Variants in ZBTB8A observed in about 807,000 individuals in gnomAD.
The protein encoded by ZBTB8A is zinc finger and BTB domain containing 8A, also known as zinc finger and BTB domain-containing protein 8A.
ZBTB8A carries 19 observed loss-of-function variants against 37.8 expected under a neutral mutation model. The ratio of observed to expected loss-of-function variants is 0.50; its 90% CI spans 0.35 to 0.74. The LOEUF is 0.74. ZBTB8A is among the 30% of genes least tolerant of loss of function. ZBTB8A has a pLI of 0.01. For missense variants in ZBTB8A, 394 were observed against 537.8 expected (o/e 0.73, Z 2.65); for synonymous variants, 181 against 185.2 (o/e 0.98, Z 0.19).
chr1:32,546,519 T>G (rs1225846706), intron 1 of ZBTB8A, among the ~76,000 whole-genome samples: 1 of 152,028 alleles, frequency 6.6e-6, no homozygotes, highest in Non-Finnish European at 1.5e-5. Flanking sequence ...TGGTACACTG[T>G]TATAGTCCCA....
At chr1:32,553,860 T>C (rs1237643536) in intron 2 of ZBTB8A, among the ~76,000 whole-genome samples, 3 of 126,332 alleles carry the variant, frequency 2.4e-5, no homozygotes, top group African/African-American at 6.1e-5. Flanking sequence ...CACTCCAGCC[T>C]GGGCAACAAG....
At chr1:32,545,276 TC>T (rs1327218996) in intron 1 of ZBTB8A, among the ~76,000 whole-genome samples, 4 of 152,186 alleles carry the variant, frequency 2.6e-5, no homozygotes, top group Non-Finnish European at 5.9e-5. Context: ...TAGCAAACTA[TC>T]CTAGTGGGTG....
chr1:32,554,239 A>G (rs973030663), intron 2 of ZBTB8A, among the ~76,000 whole-genome samples: 1 of 147,554 alleles, frequency 6.8e-6, no homozygotes, highest in Non-Finnish European at 1.5e-5. Flanking sequence ...TTGTAGTTGT[A>G]GATTTTATAT....
At chr1:32,577,593 T>TC in intron 2 of ZBTB8A, among the ~76,000 whole-genome samples, 1 of 144,434 alleles carries the variant, frequency 6.9e-6, no homozygotes, top group Non-Finnish European at 1.5e-5. Flanking sequence ...ATTCTTTTTT[T>TC]TTTTTTTTTT....
At chr1:32,545,096 T>C (rs1283821665) in intron 1 of ZBTB8A, among the ~76,000 whole-genome samples, 1 of 152,228 alleles carries the variant, frequency 6.6e-6, no homozygotes, top group Non-Finnish European at 1.5e-5. Context: ...CCAAAGTCGC[T>C]GTACCATTTT....
intron 3 of ZBTB8A, among the ~76,000 whole-genome samples, chr1:32,594,709 T>C (rs975142700): frequency 6.0e-5 from 9 of 149,808 alleles, no homozygotes; most frequent in Non-Finnish European, 1.2e-4. Context: ...GAGGTTGCAG[T>C]GAGTGGAGAT....
chr1:32,599,463 A>G (rs973711527), intron 4 of ZBTB8A, among the ~76,000 whole-genome samples: 1 of 152,058 alleles, frequency 6.6e-6, no homozygotes, highest in Non-Finnish European at 1.5e-5. Context: ...TCACACCTAT[A>G]ATCCCAGCAC....
At chr1:32,544,741 A>C (rs1192181831) in intron 1 of ZBTB8A, among the ~76,000 whole-genome samples, 1 of 152,168 alleles carries the variant, frequency 6.6e-6, no homozygotes, top group Non-Finnish European at 1.5e-5. Flanking sequence ...AGGTACAATA[A>C]AAATATGGTA....
chr1:32,580,937 C>T (rs1335274241), intron 2 of ZBTB8A, among the ~76,000 whole-genome samples: 1 of 150,684 alleles, frequency 6.6e-6, no homozygotes, highest in Non-Finnish European at 1.5e-5. Context: ...TAACCCACTC[C>T]CAAGATAACG....
intron 4 of ZBTB8A, among the ~76,000 whole-genome samples, chr1:32,597,908 ATT>A (rs764920094): frequency 2.2e-4 from 30 of 137,054 alleles, no homozygotes; most frequent in Middle Eastern, 3.8e-3. Flanking sequence ...TATCCGGCTA[ATT>A]TTTTTTTTTT....
At chr1:32,592,811 G>A (rs1239750824) in intron 2 of ZBTB8A, 120 bp from the exon 3 acceptor site, 3 of 812,046 alleles carry the variant, frequency 3.7e-6, no homozygotes, top group Non-Finnish European at 3.8e-6. Flanking sequence ...CCCAGCCACA[G>A]TGAGCTTTGA....
chr1:32,552,597 C>T (rs892642518), intron 1 of ZBTB8A, among the ~76,000 whole-genome samples: 6 of 151,702 alleles, frequency 4.0e-5, no homozygotes, highest in Non-Finnish European at 5.9e-5. Context: ...ACCAGGGAGG[C>T]GGAGGTTGCA....
In ZBTB8A at chr1:32,562,467, C is replaced by T. The variant is rs186465326; in HGVS notation, c.-2+8927C>T. On this transcript the variant is annotated intron_variant, in intron 2 of 4. Coordinates refer to ENST00000373510, the MANE Select transcript of ZBTB8A (RefSeq NM_001040441.3). ...TGTATTTTTAGTAGAGATGGGGTTT[C>T]TCCATGTTGGTCAGGCTGGTCTCAA... is the stretch of plus-strand genomic sequence containing the variant. 1.2e-3 allele frequency among the ~76,000 whole-genome samples: 177 copies of T among 151,242 alleles called. 2 individuals carry two copies. Among genetic ancestry groups the T allele is most frequent in the African/African-American group, 4.1e-3 (170 of 41,196 alleles).
chr1:32,583,915 C>T (rs980153354), intron 2 of ZBTB8A, among the ~76,000 whole-genome samples: 16 of 152,074 alleles, frequency 1.1e-4, no homozygotes, highest in Middle Eastern at 3.4e-3. Flanking sequence ...GGCTCCTTTT[C>T]GTATTTTTAG....
chr1:32,568,608 G>C (rs879589674), intron 2 of ZBTB8A, among the ~76,000 whole-genome samples: 1 of 152,082 alleles, frequency 6.6e-6, no homozygotes, highest in East Asian at 1.9e-4. Context: ...GGATGGTCTC[G>C]ATCTCCTAAC....
intron 1 of ZBTB8A, among the ~76,000 whole-genome samples, chr1:32,542,386 CAAG>C (rs1644063548): frequency 6.6e-6 from 1 of 151,394 alleles, no homozygotes; most frequent in Non-Finnish European, 1.5e-5. Context: ...CCAGCCTGGA[CAAG>C]AAGGTGAAAC....
Position 32,593,742 on chromosome 1 carries a change from A to G in ZBTB8A, c.811A>G (p.Lys271Glu), listed in dbSNP as rs61998256. ...CGGTCAAGGATCTGATGTCACATCC[A>G]AAAGCTTTCCAGGTACCCAAAAAGA... ...QYGQGSDVTSKSFPDDLPRMR... is the reference protein window; with the variant it reads ...QYGQGSDVTSESFPDDLPRMR... The change falls in exon 3 of 5, where the codon AAA becomes GAA. Residue 271 changes from lysine to glutamate, a missense_variant. Coordinates refer to ENST00000373510, the MANE Select transcript of ZBTB8A (RefSeq NM_001040441.3). 468 of 1,608,620 alleles carry G rather than the reference A, an allele frequency of 2.9e-4. 1 individual carries two copies. Among genetic ancestry groups the G allele is most frequent in the Admixed American group, 1.4e-3 (82 of 59,018 alleles).
intron 4 of ZBTB8A, among the ~76,000 whole-genome samples, chr1:32,599,245 G>A (rs537703692): frequency 2.6e-4 from 39 of 149,604 alleles, no homozygotes; most frequent in African/African-American, 7.9e-4. Flanking sequence ...AACATAGTGA[G>A]ACCCTTTCTC....
At chr1:32,560,461 G>T (rs1199699322) in intron 2 of ZBTB8A, among the ~76,000 whole-genome samples, 1 of 151,620 alleles carries the variant, frequency 6.6e-6, no homozygotes, top group East Asian at 1.9e-4. Context: ...TCTTCTTCCT[G>T]ATTTTTTTCT....
Sources: allele counts gnomAD v4.1 joint callset (sites outside exome capture counted in the v4.1 genomes callset), GRCh38; gene constraint gnomAD v4.1.1; transcripts MANE v1.5; gene names NCBI Gene and HGNC (gene_info 2026-07-23, HGNC 2026-07-21).